CD28: variants seen among roughly 807,000 people sequenced by gnomAD.
CD28 encodes the protein T-cell-specific surface glycoprotein CD28.
A neutral mutation model predicts 21.4 loss-of-function variants in CD28; 8 were observed. That is an observed-to-expected ratio of 0.37 (90% CI 0.22 to 0.68). CD28 has a LOEUF of 0.68. Ranked by LOEUF, CD28 falls within the 30% of genes least tolerant of loss-of-function variation. The pLI is 0.55. For synonymous variants in CD28, 106 were observed against 104.0 expected (o/e 1.02, Z -0.12); for missense variants, 239 against 272.2 (o/e 0.88, Z 0.86).
chr2:203,731,685 A>G (rs1693898079), intron 3 of CD28, among the ~76,000 whole-genome samples: 1 of 151,074 alleles, frequency 6.6e-6, no homozygotes, highest in African/African-American at 2.5e-5. Flanking sequence ...ACCCAAAGGG[A>G]CAAAAGCAGC....
rs200630419 is a variant in CD28, at chr2:203,737,793, A to C, written c.*2881A>C. On this transcript the variant is annotated 3_prime_UTR_variant, in exon 4 of 4. Transcript: ENST00000324106. ...ATTTAAAGAGACCAAGTGTATGTAC[A>C]TTATGTTCTACATATTCAGTGATAA... The C allele has an allele frequency of 2.0e-5, 3 of 152,614 alleles. No homozygotes were observed. Among genetic ancestry groups the C allele is most frequent in the Non-Finnish European group, 4.4e-5 (3 of 68,028 alleles). 9.5% of individuals were successfully genotyped at this position (152,614 alleles called of 1,614,324 possible).
intron 1 of CD28, 129 bp downstream of exon 1, chr2:203,706,877 A>G: frequency 1.4e-6 from 1 of 693,678 alleles, no homozygotes; most frequent in Non-Finnish European, 2.5e-6. Context: ...GTAATAGGGC[A>G]ATGTGTTATT....
Position 203,738,314 on chromosome 2 carries a change from A to G in CD28, c.*3402A>G, listed in dbSNP as rs921753998. The stretch of plus-strand genomic sequence containing the variant: ...CCATTTGCACTGCCAGCTGGGAACT[A>G]TACCAGACCTGGATACTGATCCCAA... On this transcript the variant is annotated 3_prime_UTR_variant, in exon 4 of 4. Coordinates refer to ENST00000324106, the MANE Select transcript of CD28 (RefSeq NM_006139.4). 6.6e-6 allele frequency: 1 copy of G among 152,152 alleles called. No individual in the cohort carries two copies. Among genetic ancestry groups the G allele is most frequent in the African/African-American group, 2.4e-5 (1 of 41,430 alleles). 9.4% of individuals were successfully genotyped at this position (152,152 alleles called of 1,614,324 possible). A position where few individuals can be genotyped will look rare whatever the true frequency, so the allele number is the denominator to read the frequency against.
At chr2:203,725,486 AAAG>A (rs1351973838) in intron 1 of CD28, among the ~76,000 whole-genome samples, 2 of 148,596 alleles carry the variant, frequency 1.3e-5, no homozygotes, top group African/African-American at 5.0e-5. Context: ...AATCATTAGA[AAAG>A]AAAAAAAAAA....
chr2:203,729,556 T>A (rs143259263), intron 2 of CD28, 92 bp from the exon 3 acceptor site: 1 of 1,310,020 alleles, frequency 7.6e-7, no homozygotes, highest in African/African-American at 1.5e-5. Flanking sequence ...ATATTTTTAT[T>A]TCTTTCACAT....
At chr2:203,707,800 T>G (rs1317671006) in intron 1 of CD28, among the ~76,000 whole-genome samples, 1 of 152,200 alleles carries the variant, frequency 6.6e-6, no homozygotes, top group Non-Finnish European at 1.5e-5. Flanking sequence ...CCGGTGTTGT[T>G]GATTATTATG....
At chr2:203,717,860 T>A (rs1693502248) in intron 1 of CD28, among the ~76,000 whole-genome samples, 1 of 152,204 alleles carries the variant, frequency 6.6e-6, no homozygotes, top group South Asian at 2.1e-4. Context: ...AGATTTTCCT[T>A]AAATCTTCAT....
At chr2:203,727,311 C>A (rs1299684339) in intron 2 of CD28, among the ~76,000 whole-genome samples, 5 of 152,042 alleles carry the variant, frequency 3.3e-5, no homozygotes, top group Non-Finnish European at 7.4e-5. Context: ...AGCCCAGGTG[C>A]CCTCAAGTAA....
At chr2:203,720,248 C>T (rs572367837) in intron 1 of CD28, among the ~76,000 whole-genome samples, 1 of 152,056 alleles carries the variant, frequency 6.6e-6, no homozygotes, top group Non-Finnish European at 1.5e-5. Context: ...TGTCTCCACA[C>T]CTTTAGCTGG....
chr2:203,706,651 C>T lies in CD28; in HGVS notation c.-46C>T. 6.8e-6 allele frequency: 11 copies of T among 1,613,978 alleles called. No individual in the cohort carries two copies. The highest frequency in any genetic ancestry group is 2.2e-5 in the South Asian group (2 of 91,074). On this transcript the variant is annotated 5_prime_UTR_variant, in exon 1 of 4. Transcript: ENST00000324106. The stretch of plus-strand genomic sequence containing the variant: ...TTCAGTTCCCCTCACACTTCGGGTT[C>T]CTCGGGGAGGAGGGGCTGGAACCCT...
chr2:203,719,053 G>T (rs1202331896), intron 1 of CD28, among the ~76,000 whole-genome samples: 1 of 152,054 alleles, frequency 6.6e-6, no homozygotes, highest in African/African-American at 2.4e-5. Context: ...TGCATTAGAG[G>T]CAAAAAATTT....
intron 3 of CD28, among the ~76,000 whole-genome samples, chr2:203,734,364 G>T (rs1463776187): frequency 6.6e-6 from 1 of 152,238 alleles, no homozygotes; most frequent in Non-Finnish European, 1.5e-5. Context: ...GACTCTGGAG[G>T]AGTTGAAAGT....
At chr2:203,731,150 C>T (rs1693878963) in intron 3 of CD28, among the ~76,000 whole-genome samples, 1 of 152,198 alleles carries the variant, frequency 6.6e-6, no homozygotes, top group South Asian at 2.1e-4. Flanking sequence ...TACTAGGTAT[C>T]ATCTTAAGAA....
chr2:203,716,419 T>A (rs1204160641), intron 1 of CD28, among the ~76,000 whole-genome samples: 1 of 152,208 alleles, frequency 6.6e-6, no homozygotes, highest in Non-Finnish European at 1.5e-5. Flanking sequence ...TCTCCTAGAA[T>A]GAAACAGCTC....
intron 3 of CD28, among the ~76,000 whole-genome samples, chr2:203,732,320 A>C (rs1475338366): frequency 6.6e-6 from 1 of 152,200 alleles, no homozygotes; most frequent in Non-Finnish European, 1.5e-5. Flanking sequence ...GAGTAAATAA[A>C]GAGCTCCCTT....
In CD28 at chr2:203,738,588, C is replaced by T. The variant is rs539863335; in HGVS notation, c.*3676C>T. 1.3e-5 allele frequency: 2 copies of T among 152,332 alleles called. No homozygotes were observed. Among genetic ancestry groups the T allele is most frequent in the African/African-American group, 4.8e-5 (2 of 41,570 alleles). 9.4% of individuals were successfully genotyped at this position (152,332 alleles called of 1,614,324 possible). A position where few individuals can be genotyped will look rare whatever the true frequency, so the allele number is the denominator to read the frequency against. ...ATGTATCAGGAATACTCAACCATCA[C>T]AGGCATGTTCCTACCTCAGGGCCTT... On this transcript the variant is annotated 3_prime_UTR_variant, in exon 4 of 4. Coordinates refer to ENST00000324106, the MANE Select transcript of CD28 (RefSeq NM_006139.4).
intron 2 of CD28, among the ~76,000 whole-genome samples, chr2:203,728,774 A>G (rs1693815599): frequency 6.6e-6 from 1 of 152,156 alleles, no homozygotes; most frequent in Admixed American, 6.5e-5. Flanking sequence ...CTACTTTAGG[A>G]TAGTATTTTA....
intron 3 of CD28, 33 bp from the exon 4 acceptor site, chr2:203,734,751 G>C (rs143458715): frequency 1.2e-6 from 2 of 1,612,986 alleles, no homozygotes; most frequent in Non-Finnish European, 1.7e-6. Context: ...CCATGACATT[G>C]TCCCTCCATA....
intron 1 of CD28, among the ~76,000 whole-genome samples, chr2:203,715,648 T>G (rs1429441658): frequency 6.6e-6 from 1 of 152,174 alleles, no homozygotes; most frequent in Non-Finnish European, 1.5e-5. Flanking sequence ...ATGAACTTCC[T>G]AATGTACATT....
Sources: allele counts gnomAD v4.1 joint callset (sites outside exome capture counted in the v4.1 genomes callset), GRCh38; gene constraint gnomAD v4.1.1; transcripts MANE v1.5; gene names NCBI Gene and HGNC (gene_info 2026-07-23, HGNC 2026-07-21).